NRXN1: variants seen among roughly 807,000 people sequenced by gnomAD.
NRXN1 encodes neurexin 1.
NRXN1 carries 39 observed loss-of-function variants against 150.9 expected under a neutral mutation model. The ratio of observed to expected loss-of-function variants is 0.26; its 90% CI spans 0.20 to 0.34. NRXN1 has a LOEUF of 0.34. NRXN1 is among the 10% of genes least tolerant of loss of function. NRXN1 has a pLI of 1.00. For missense variants in NRXN1, 1,815 were observed against 1,949.9 expected (o/e 0.93, Z 1.30); for synonymous variants, 924 against 757.0 (o/e 1.22, Z -3.62).
chr2:50,473,631 G>C (rs10165473), intron 15 of NRXN1, among the ~76,000 whole-genome samples: 10,037 of 151,848 alleles, frequency 0.066, 1,127 homozygotes, highest in African/African-American at 0.23. Flanking sequence ...TATTCAACTT[G>C]ATGTCACTTG....
Position 51,027,530 on chromosome 2 carries a change from G to A in NRXN1, c.744C>T (p.Thr248=), listed in dbSNP as rs202043138. 7.7e-6 allele frequency: 12 copies of A among 1,555,418 alleles called. No individual in the cohort carries two copies. The highest frequency in any genetic ancestry group is 1.7e-4 in the Middle Eastern group (1 of 5,756). ...DDQAVCDCSR[T]GFRGKDCSQE... ...GGCTGCAGTCCTTGCCGCGGAAGCC[G>A]GTTCGCGAGCAGTCGCACACGGCCT... The change falls in exon 2 of 23, where the codon ACC becomes ACT. Residue 248 remains threonine, a synonymous_variant. Transcript: ENST00000401669.
intron 5 of NRXN1, among the ~76,000 whole-genome samples, chr2:50,636,036 A>T (rs1683190623): frequency 1.3e-5 from 2 of 152,186 alleles, no homozygotes; most frequent in South Asian, 4.1e-4. Flanking sequence ...AATTTTAAAA[A>T]ATCAGCTTTT....
intron 15 of NRXN1, among the ~76,000 whole-genome samples, chr2:50,494,386 T>C (rs2104890493): frequency 6.6e-6 from 1 of 152,322 alleles, no homozygotes; most frequent in East Asian, 1.9e-4. Flanking sequence ...TCTCCCTTTC[T>C]TTTGACAATT....
chr2:50,769,636 T>A (rs1286130771), intron 5 of NRXN1, among the ~76,000 whole-genome samples: 1 of 152,036 alleles, frequency 6.6e-6, no homozygotes, highest in Non-Finnish European at 1.5e-5. Flanking sequence ...ACGGCCTGAT[T>A]ACAACGAACT....
chr2:50,235,780 G>A (rs1167860396), intron 18 of NRXN1, among the ~76,000 whole-genome samples: 1 of 151,928 alleles, frequency 6.6e-6, no homozygotes, highest in Non-Finnish European at 1.5e-5. Context: ...CTTAATGCAT[G>A]GGAAATAAAC....
At chr2:50,507,036 G>A (rs1227556210) in intron 12 of NRXN1, 2 of 160,796 alleles carry the variant, frequency 1.2e-5, no homozygotes, top group African/African-American at 4.8e-5. Context: ...AAAGTGTCTA[G>A]CCATCATGTA....
chr2:50,394,001 C>G (rs1263596101), intron 17 of NRXN1, among the ~76,000 whole-genome samples: 1 of 152,056 alleles, frequency 6.6e-6, no homozygotes, highest in African/African-American at 2.4e-5. Context: ...AGATTATTCT[C>G]TTTTTTGAAA....
intron 12 of NRXN1, among the ~76,000 whole-genome samples, chr2:50,514,010 C>T (rs775565097): frequency 3.9e-5 from 6 of 152,072 alleles, no homozygotes; most frequent in Admixed American, 6.6e-5. Flanking sequence ...TATATATATA[C>T]TCTGGTACAG....
intron 17 of NRXN1, among the ~76,000 whole-genome samples, chr2:50,267,394 G>C (rs2069022531): frequency 6.6e-6 from 1 of 151,992 alleles, no homozygotes; most frequent in Non-Finnish European, 1.5e-5. Context: ...TAATGTTTAT[G>C]GTACATATAT....
At chr2:50,215,558 C>A (rs1249865634) in intron 18 of NRXN1, among the ~76,000 whole-genome samples, 1 of 151,916 alleles carries the variant, frequency 6.6e-6, no homozygotes, top group Non-Finnish European at 1.5e-5. Context: ...CATTGCTTAT[C>A]CTTTTATTAG....
In NRXN1 at chr2:50,493,276, A is replaced by C. The variant is rs982426203; in HGVS notation, c.3070+2629T>G. 6.6e-5 allele frequency among the ~76,000 whole-genome samples: 10 copies of C among 152,242 alleles called. No individual in the cohort carries two copies. In the South Asian group the frequency reaches 1.9e-3, roughly 28 times the overall value. On this transcript the variant is annotated intron_variant, in intron 15 of 22. Transcript: ENST00000401669. ...TCTCCTTTATGAATAAGTCCCTCTA[A>C]ATTCCAGCAGGCATCCAGGTGGAAA...
chr2:50,053,126 T>A, intron 21 of NRXN1, 145 bp downstream of exon 21: 1 of 749,852 alleles, frequency 1.3e-6, no homozygotes, highest in South Asian at 1.6e-5. Context: ...TCAAACGGAA[T>A]GCATTATGTT....
At chr2:49,986,073 C>T (rs895932003) in intron 21 of NRXN1, among the ~76,000 whole-genome samples, 2 of 152,088 alleles carry the variant, frequency 1.3e-5, no homozygotes, top group African/African-American at 2.4e-5. Context: ...TTGTAGACAA[C>T]CTAAAAGAAT....
In NRXN1 at chr2:50,257,850, A is replaced by G. The variant is rs1054278195; in HGVS notation, c.3365-20880T>C. Among the ~76,000 whole-genome samples the G allele has an allele frequency of 4.0e-5, 6 of 151,588 alleles. 1 individual carries two copies. Among genetic ancestry groups the G allele is most frequent in the Admixed American group, 3.3e-4 (5 of 15,134 alleles). ...TTTTCAAATGATAAAATTAAAATATAAAACAAAAAATTTAAATTTTTTATT... is the reference window on the plus strand; with the variant it reads ...TTTTCAAATGATAAAATTAAAATATGAAACAAAAAATTTAAATTTTTTATT... On this transcript the variant is annotated intron_variant, in intron 17 of 22. Coordinates refer to ENST00000401669, the MANE Select transcript of NRXN1 (RefSeq NM_001330078.2).
At chr2:50,481,760 C>CTTTTGTTTTTT (rs2090474653) in intron 15 of NRXN1, among the ~76,000 whole-genome samples, 1 of 82,956 alleles carries the variant, frequency 1.2e-5, no homozygotes. Flanking sequence ...ACTTTTGTTT[C>CTTTTGTTTTTT]TTTTTTTTTT....
intron 17 of NRXN1, among the ~76,000 whole-genome samples, chr2:50,448,551 C>G (rs1018951316): frequency 6.6e-6 from 1 of 152,106 alleles, no homozygotes; most frequent in Non-Finnish European, 1.5e-5. Context: ...ATTAGGAAAC[C>G]CTGAGCTTCC....
chr2:49,957,503 G>T (rs2193868), intron 21 of NRXN1, among the ~76,000 whole-genome samples: 44,511 of 151,902 alleles, frequency 0.29, 7,287 homozygotes, highest in South Asian at 0.43. Context: ...CACAGAGAAA[G>T]TACAAGTTTC....
intron 8 of NRXN1, among the ~76,000 whole-genome samples, chr2:50,591,847 G>C (rs1348169310): frequency 2.6e-5 from 4 of 152,192 alleles, no homozygotes; most frequent in African/African-American, 7.2e-5. Context: ...TTTCGGCTTG[G>C]CTTCCTTCCC....
At chr2:50,424,861 T>C (rs970152033) in intron 17 of NRXN1, among the ~76,000 whole-genome samples, 4 of 152,184 alleles carry the variant, frequency 2.6e-5, no homozygotes, top group African/African-American at 7.2e-5. Context: ...ACCAGTAATA[T>C]CAGTTATTTC....
Sources: gnomAD v4.1 joint callset for allele counts (sites outside exome capture counted in the v4.1 genomes callset) on GRCh38, gnomAD v4.1.1 for gene constraint, MANE v1.5 for transcripts, NCBI Gene and HGNC (gene_info 2026-07-23, HGNC 2026-07-21) for gene names.